Variants in PHLPP1 observed in about 807,000 individuals in gnomAD.
PHLPP1 encodes PH domain leucine-rich repeat-containing protein phosphatase 1.
A neutral mutation model predicts 117.2 loss-of-function variants in PHLPP1; 42 were observed. The observed-to-expected ratio is 0.36, with a 90% confidence interval of 0.28 to 0.46. PHLPP1 has a LOEUF of 0.46. Among genes scored for constraint, PHLPP1 ranks in the 20% least tolerant of loss-of-function variants. PHLPP1 has a pLI of 1.00. For synonymous variants in PHLPP1, 1,042 were observed against 970.7 expected, an observed-to-expected ratio of 1.07 and a Z score of -1.37; for missense variants, 2,084 against 2,241.9, an observed-to-expected ratio of 0.93 and a Z score of 1.42.
At chr18:62,799,848 T>C (rs533699777) in intron 1 of PHLPP1, among the ~76,000 whole-genome samples, 3 of 152,340 alleles carry the variant, frequency 2.0e-5, no homozygotes, top group East Asian at 1.9e-4. Flanking sequence ...AAAACATTTT[T>C]CCTCTTTTTA....
chr18:62,776,685 T>C (rs1216926178), intron 1 of PHLPP1, among the ~76,000 whole-genome samples: 1 of 151,172 alleles, frequency 6.6e-6, no homozygotes, highest in Non-Finnish European at 1.5e-5. Flanking sequence ...TCTCAGCTCA[T>C]TGCAACCTCT....
chr18:62,866,426 G>C (rs1915773434), intron 4 of PHLPP1, among the ~76,000 whole-genome samples: 3 of 151,928 alleles, frequency 2.0e-5, no homozygotes, highest in Middle Eastern at 3.4e-3. Flanking sequence ...TGTAGTTTTA[G>C]TAGAGACGGG....
At chr18:62,849,212 T>C (rs1173378426) in intron 3 of PHLPP1, among the ~76,000 whole-genome samples, 1 of 152,220 alleles carries the variant, frequency 6.6e-6, no homozygotes, top group Non-Finnish European at 1.5e-5. Flanking sequence ...TTTTCAATGG[T>C]GAGGGAACTA....
intron 1 of PHLPP1, among the ~76,000 whole-genome samples, chr18:62,818,061 G>T (rs1371992934): frequency 6.6e-6 from 1 of 151,788 alleles, no homozygotes; most frequent in East Asian, 2.0e-4. Flanking sequence ...CACCATATTG[G>T]CTAGGATGGT....
chr18:62,889,047 A>T (rs181156732), intron 4 of PHLPP1, among the ~76,000 whole-genome samples: 1 of 152,330 alleles, frequency 6.6e-6, no homozygotes, highest in East Asian at 1.9e-4. Flanking sequence ...TGCTTTCCAC[A>T]TCTAGAAAGG....
At chr18:62,953,831 G>A (rs900742930) in intron 12 of PHLPP1, among the ~76,000 whole-genome samples, 10 of 152,212 alleles carry the variant, frequency 6.6e-5, no homozygotes, top group East Asian at 5.8e-4. Context: ...TGGGGAGCAC[G>A]GTGGAGGTGG....
At chr18:62,897,555 G>A (rs1916594123) in intron 6 of PHLPP1, among the ~76,000 whole-genome samples, 1 of 152,104 alleles carries the variant, frequency 6.6e-6, no homozygotes, top group Non-Finnish European at 1.5e-5. Context: ...CGCCCAGGCT[G>A]GAGTGCAGTG....
chr18:62,813,084 G>A (rs980962867), intron 1 of PHLPP1, among the ~76,000 whole-genome samples: 1 of 152,206 alleles, frequency 6.6e-6, no homozygotes, highest in African/African-American at 2.4e-5. Context: ...GAACTGACAA[G>A]TGAAGGTTGA....
intron 1 of PHLPP1, among the ~76,000 whole-genome samples, chr18:62,752,678 C>T (rs968080581): frequency 1.3e-5 from 2 of 152,190 alleles, no homozygotes; most frequent in Non-Finnish European, 2.9e-5. Flanking sequence ...GAAGCTTGAT[C>T]TTGTTGCGTT....
At chr18:62,887,288 T>TA (rs1426108480) in intron 4 of PHLPP1, among the ~76,000 whole-genome samples, 9 of 152,206 alleles carry the variant, frequency 5.9e-5, no homozygotes, top group South Asian at 2.1e-4. Context: ...CTGTTTTTTT[T>TA]ATCTATGAGC....
At chr18:62,900,972 T>C (rs1306463887) in intron 6 of PHLPP1, among the ~76,000 whole-genome samples, 4 of 152,232 alleles carry the variant, frequency 2.6e-5, no homozygotes, top group Non-Finnish European at 4.4e-5. Flanking sequence ...CCTAAGTAGC[T>C]GAATTACTGT....
chr18:62,782,813 G>A (rs1195337831), intron 1 of PHLPP1, among the ~76,000 whole-genome samples: 2 of 152,188 alleles, frequency 1.3e-5, no homozygotes, highest in Non-Finnish European at 2.9e-5. Context: ...AGATGGCATA[G>A]CAAAAGGCAG....
intron 1 of PHLPP1, among the ~76,000 whole-genome samples, chr18:62,824,499 G>A (rs758737463): frequency 7.2e-5 from 11 of 152,190 alleles, no homozygotes; most frequent in Non-Finnish European, 1.6e-4. Flanking sequence ...ATAGGGGGAG[G>A]GAGAAATCAC....
Position 62,896,031 on chromosome 18 carries a change from A to C in PHLPP1, c.2444+20A>C. 1.4e-6 allele frequency: 2 copies of C among 1,475,582 alleles called. No individual in the cohort carries two copies. The highest frequency in any genetic ancestry group is 1.9e-6 in the Non-Finnish European group (2 of 1,058,896). The allele number at this position is 1,475,582 out of a possible 1,614,324, so 91.4% of individuals were successfully genotyped here. A position where few individuals can be genotyped will look rare whatever the true frequency, so the allele number is the denominator to read the frequency against. On this transcript the variant is annotated intron_variant, in intron 6 of 16. Transcript: ENST00000262719. ...TCTAAGGTAACCATTTTTGAGAAAT[A>C]GATCTCATTTGAGTGGCTGGCTTAT... is the stretch of plus-strand genomic sequence containing the variant.
chr18:62,816,392 T>A (rs1369623299), intron 1 of PHLPP1, among the ~76,000 whole-genome samples: 2 of 152,018 alleles, frequency 1.3e-5, no homozygotes, highest in Non-Finnish European at 1.5e-5. Context: ...TGTGAAACCC[T>A]GTCTCTACTA....
chr18:62,806,310 G>A (rs1913950651), intron 1 of PHLPP1, among the ~76,000 whole-genome samples: 1 of 152,046 alleles, frequency 6.6e-6, no homozygotes, highest in Non-Finnish European at 1.5e-5. Context: ...ATTTCTTATG[G>A]TAATTCCAAA....
At position 62,807,257 on chromosome 18, in the gene PHLPP1, T is replaced by C. The variant is rs144604961; in HGVS notation, c.1577-22778T>C. Among the ~76,000 whole-genome samples the C allele has an allele frequency of 2.6e-5, 4 of 152,310 alleles. No homozygotes were observed. The East Asian group carries it at 7.7e-4, about 29-fold the overall frequency. ...ATGGTGAATTCAGAGTTCTCAATAA[T>C]AATCGGTCTTAGTTTTTCCAGCAAG... is the stretch of plus-strand genomic sequence containing the variant. On this transcript the variant is annotated intron_variant, in intron 1 of 16. Coordinates refer to ENST00000262719, the MANE Select transcript of PHLPP1 (RefSeq NM_194449.4).
At chr18:62,895,680 A>G in intron 5 of PHLPP1, 101 bp from the exon 6 acceptor site, 1 of 771,152 alleles carries the variant, frequency 1.3e-6, no homozygotes, top group Non-Finnish European at 2.2e-6. Context: ...AGAATAATAC[A>G]TTTTCTGGTA....
In PHLPP1 at chr18:62,979,045, G is replaced by A. The variant is rs1330490875; in HGVS notation, c.4768G>A (p.Ala1590Thr). Residue 1590 changes from alanine (A) to threonine (T), a missense_variant, in exon 17 of 17, where the codon GCC (alanine) becomes ACC (threonine). By Grantham distance (58) the Ala-to-Thr change is moderately conservative. This residue lies in a region of PHLPP1 where 1,365 missense variants were observed against 1,605.9 expected (regional missense o/e 0.85). Transcript: ENST00000262719. ...GCACCTGCTTCAGGTGCCAGCAGAG[G>A]CCAGTGATGAGGGCATTGTCATCAG... ...QQHLLQVPAE[A>T]SDEGIVISAN... 1 of 1,613,810 alleles carries A rather than the reference G, an allele frequency of 6.2e-7. No individual in the cohort carries two copies. The highest frequency in any genetic ancestry group is 8.5e-7 in the Non-Finnish European group (1 of 1,179,812).
Sources: allele counts gnomAD v4.1 joint callset (sites outside exome capture counted in the v4.1 genomes callset), GRCh38; gene constraint gnomAD v4.1.1; regional missense constraint gnomAD v4.1.1; transcripts MANE v1.5; gene names NCBI Gene and HGNC (gene_info 2026-07-23, HGNC 2026-07-21).